The following SPAG6 variants were observed in gnomAD, a reference collection of about 807,000 sequenced individuals.
The protein encoded by SPAG6 is sperm associated antigen 6.
Under a neutral mutation model 58.5 loss-of-function variants are expected in SPAG6, and 49 were observed. The observed-to-expected ratio is 0.84, with a 90% CI of 0.67 to 1.06. The LOEUF is 1.06. Among genes scored for constraint, SPAG6 ranks in the 50% least tolerant of loss-of-function variants. The probability of loss-of-function intolerance (pLI) is 0.00; values close to 1 mark genes in which losing one functional copy is unlikely to be tolerated. For synonymous variants in SPAG6, 233 were observed against 225.6 expected (o/e 1.03, Z -0.29); for missense variants, 560 against 611.3 (o/e 0.92, Z 0.89).
chr10:22,353,173 C>T lies in SPAG6; in HGVS notation c.121+7355C>T, dbSNP rs975886753. On this transcript the variant is annotated intron_variant, in intron 2 of 10. Coordinates refer to ENST00000376624, the MANE Select transcript of SPAG6 (RefSeq NM_012443.4). ...ATTTTCAAACTGATTGCTTTCCATA[C>T]ATTTTCTCTTCACATGTTACCTATG... is the stretch of plus-strand genomic sequence containing the variant. Among the ~76,000 whole-genome samples, 3 of 152,342 alleles carry T rather than the reference C, an allele frequency of 2.0e-5. No individual in the cohort carries two copies. In the South Asian group the frequency reaches 6.2e-4, roughly 32 times the overall value.
At position 22,345,661 on chromosome 10, in the gene SPAG6, C is replaced by T. The variant is rs1391135072; in HGVS notation, c.25+25C>T. The T allele has an allele frequency of 1.3e-6, 2 of 1,563,642 alleles. No homozygotes were observed. Among genetic ancestry groups the T allele is most frequent in the East Asian group, 2.4e-5 (1 of 41,604 alleles). ...GGTAGGGCCGAGGCGGGCAGGTGCC[C>T]TAACTAGCTGGCGCCGAGGAGACCC... On this transcript the variant is annotated intron_variant, in intron 1 of 10. Coordinates refer to ENST00000376624, the MANE Select transcript of SPAG6 (RefSeq NM_012443.4). This position sits in a 1 kb window ranked among gnomAD's most constrained non-coding sequence, Gnocchi z 6.3.
intron 4 of SPAG6, among the ~76,000 whole-genome samples, chr10:22,374,539 G>A (rs757494038): frequency 3.3e-5 from 5 of 151,226 alleles, no homozygotes; most frequent in Non-Finnish European, 5.9e-5. Flanking sequence ...AGGCTGAGGT[G>A]GGAGGATCAC....
intron 4 of SPAG6, among the ~76,000 whole-genome samples, chr10:22,385,470 T>A (rs1834044269): frequency 6.6e-6 from 1 of 152,192 alleles, no homozygotes; most frequent in Non-Finnish European, 1.5e-5. Context: ...CACCAAATTT[T>A]AAAAATTGAA....
At chr10:22,393,061 C>A (rs1376813147) in intron 8 of SPAG6, among the ~76,000 whole-genome samples, 2 of 152,028 alleles carry the variant, frequency 1.3e-5, no homozygotes, top group Admixed American at 6.6e-5. Flanking sequence ...AATGTAAGGT[C>A]TTTTCTAGTT....
At chr10:22,364,778 G>A (rs1182830306) in intron 2 of SPAG6, 75 bp from the exon 3 acceptor site, 2 of 1,060,864 alleles carry the variant, frequency 1.9e-6, no homozygotes. Flanking sequence ...TTTACTGTCT[G>A]CATATATACT....
chr10:22,410,930 A>G, intron 9 of SPAG6, 101 bp from the exon 10 acceptor site: 1 of 1,244,666 alleles, frequency 8.0e-7, no homozygotes, highest in Non-Finnish European at 1.1e-6. Context: ...TATTGGGTAT[A>G]AATTCTCTTT....
At chr10:22,346,814 G>A (rs1489976262) in intron 2 of SPAG6, among the ~76,000 whole-genome samples, 3 of 151,962 alleles carry the variant, frequency 2.0e-5, no homozygotes, top group African/African-American at 7.3e-5. Context: ...TTATTGGGGG[G>A]CATGTATTTA....
At chr10:22,346,363 G>A (rs947144233) in intron 2 of SPAG6, among the ~76,000 whole-genome samples, 1 of 152,000 alleles carries the variant, frequency 6.6e-6, no homozygotes, top group African/African-American at 2.4e-5. Flanking sequence ...TGTGAGAGGG[G>A]GAGAGAGGGG....
chr10:22,369,982 A>C (rs113258603), intron 4 of SPAG6, among the ~76,000 whole-genome samples: 165 of 152,352 alleles, frequency 1.1e-3, no homozygotes, highest in African/African-American at 3.8e-3. Context: ...TTATTATAGC[A>C]TGATTTGTAA....
chr10:22,387,083 A>C, intron 5 of SPAG6, 124 bp downstream of exon 5: 2 of 707,270 alleles, frequency 2.8e-6, no homozygotes, highest in Non-Finnish European at 4.8e-6. Flanking sequence ...ACAGATATGA[A>C]TATATTATGT....
chr10:22,356,772 A>G (rs1261934506), intron 2 of SPAG6, among the ~76,000 whole-genome samples: 2 of 152,068 alleles, frequency 1.3e-5, no homozygotes, highest in Admixed American at 6.5e-5. Context: ...GGCTATCTTC[A>G]TATCTGGCTC....
chr10:22,411,046 A>G lies in SPAG6; in HGVS notation c.1330A>G (p.Ser444Gly). 6.2e-7 allele frequency: 1 copy of G among 1,613,994 alleles called. No homozygotes were observed. The change falls in exon 10 of 11, where the codon AGC becomes GGC. Residue 444 changes from serine to glycine, a missense_variant. Physicochemically the swap from Ser to Gly is moderately conservative, Grantham distance 56. Transcript: ENST00000376624. ...GQFSKVLPHDSKARRLFVTSG... is the reference protein window; with the variant it reads ...GQFSKVLPHDGKARRLFVTSG... ...ACTTTGCAAGGTGCTGCCGCATGAT[A>G]GCAAAGCTCGACGACTTTTTGTAAC...
At chr10:22,400,596 A>G (rs1180192750) in intron 8 of SPAG6, among the ~76,000 whole-genome samples, 1 of 151,686 alleles carries the variant, frequency 6.6e-6, no homozygotes, top group Non-Finnish European at 1.5e-5. Context: ...AGTTGAGTAG[A>G]TCCTATCTGT....
At chr10:22,393,169 T>C (rs1200893005) in intron 8 of SPAG6, among the ~76,000 whole-genome samples, 1 of 152,180 alleles carries the variant, frequency 6.6e-6, no homozygotes, top group Non-Finnish European at 1.5e-5. Context: ...GTGTATATAA[T>C]TGTAACCTAT....
chr10:22,390,839 A>C (rs987715736), intron 7 of SPAG6, among the ~76,000 whole-genome samples: 2 of 152,188 alleles, frequency 1.3e-5, no homozygotes, highest in African/African-American at 4.8e-5. Context: ...GGTCTTAATA[A>C]CCAAATTAAA....
intron 4 of SPAG6, 150 bp downstream of exon 4, chr10:22,368,828 G>T: frequency 1.8e-6 from 1 of 547,928 alleles, no homozygotes; most frequent in Non-Finnish European, 3.1e-6. Context: ...TGATGGCCAA[G>T]TTGTTTGGAT....
intron 9 of SPAG6, among the ~76,000 whole-genome samples, chr10:22,406,489 T>C (rs1834559923): frequency 6.6e-6 from 1 of 152,270 alleles, no homozygotes; most frequent in South Asian, 2.1e-4. Flanking sequence ...TTGATTGCAC[T>C]GTGGTCTGAG....
chr10:22,412,387 A>C (rs1297212138), intron 10 of SPAG6: 2 of 911,074 alleles, frequency 2.2e-6, no homozygotes, highest in Non-Finnish European at 3.4e-6. Flanking sequence ...TTAATTTTAA[A>C]AGCACAAAAG....
chr10:22,402,654 C>A (rs558667826), intron 9 of SPAG6, among the ~76,000 whole-genome samples: 2 of 152,226 alleles, frequency 1.3e-5, no homozygotes, highest in Non-Finnish European at 2.9e-5. Flanking sequence ...ATAAAATAAA[C>A]TGCCCCTCTT....
Sources: allele counts gnomAD v4.1 joint callset (sites outside exome capture counted in the v4.1 genomes callset), GRCh38; gene constraint gnomAD v4.1.1; non-coding constraint Gnocchi (gnomAD v3.1); transcripts MANE v1.5; gene names NCBI Gene and HGNC (gene_info 2026-07-23, HGNC 2026-07-21).